The following CTF1 variants were observed in gnomAD, a reference collection of about 807,000 sequenced individuals.
The protein encoded by CTF1 is cardiotrophin-1.
A neutral mutation model predicts 10.9 loss-of-function variants in CTF1; 9 were observed. The ratio of observed to expected loss-of-function variants is 0.83; its 90% CI spans 0.50 to 1.44. CTF1 has a LOEUF of 1.44. Among genes scored for constraint, CTF1 ranks in the 40% most tolerant of loss-of-function variants. The pLI is 0.00. For missense variants in CTF1, 259 were observed against 275.3 expected, an observed-to-expected ratio of 0.94 and a Z score of 0.42; for synonymous variants, 133 against 138.8, an observed-to-expected ratio of 0.96 and a Z score of 0.29.
At position 30,899,642 on chromosome 16, in the gene CTF1, C is replaced by T. The variant is rs560133868; in HGVS notation, c.144+109C>T. 5 of 713,418 alleles carry T rather than the reference C, an allele frequency of 7.0e-6. No homozygotes were observed. In the African/African-American group the frequency reaches 7.1e-5, roughly 10 times the overall value. The allele number at this position is 713,418 out of a possible 1,614,324, so 44.2% of individuals were successfully genotyped here. On this transcript the variant is annotated intron_variant, in intron 2 of 2. Transcript: ENST00000279804. ...AACCTCATTTTCCAACTGTGGAAAT[C>T]AGGGCTCCTGAGAGGGACAGCAACT...
At chr16:30,896,024 T>C (rs995832827), upstream of CTF1, among the ~76,000 whole-genome samples, 6 of 129,362 alleles carry the variant, frequency 4.6e-5, no homozygotes, top group African/African-American at 1.5e-4. Context: ...GGGTGTGACT[T>C]CCTGTCCAGG....
rs200094220 is a variant in CTF1 at position 30,899,422 on chromosome 16, C to T, written c.33C>T (p.Pro11=). The part of the protein sequence containing the change: MSRREGSLED[P]QTDSSVSLLP... ...TCCCCCCTTTCCCACCAGAAGACCC[C>T]CAGACTGATTCCTCAGTCTCACTTC... Residue 11 remains proline (P), a synonymous_variant, in exon 2 of 3, where the codon CCC becomes CCT. Transcript: ENST00000279804. The T allele has an allele frequency of 6.2e-7, 1 of 1,608,108 alleles. No homozygotes were observed. The highest frequency in any genetic ancestry group is 8.5e-7 in the Non-Finnish European group (1 of 1,174,552).
At chr16:30,896,604 A>AG (rs35897977), upstream of CTF1, 4 of 1,253,354 alleles carry the variant, frequency 3.2e-6, no homozygotes, top group Non-Finnish European at 4.0e-6. Flanking sequence ...CCCCCTCGAA[A>AG]GGGGGGCGTG....
rs1194218989 is a variant in CTF1, at chr16:30,902,105, C to T, written c.172C>T (p.Leu58=). Reference sequence around the variant, plus strand: ...GCAGCTCCAGGGAGACCCCTTCGGGCTGCCCAGCTTCTCGCCGCCGCGGCT... The same window carrying T: ...GCAGCTCCAGGGAGACCCCTTCGGGTTGCCCAGCTTCTCGCCGCCGCGGCT... ...YVQLQGDPFG[L]PSFSPPRLPV... The change falls in exon 3 of 3, where the codon CTG becomes TTG. Residue 58 remains leucine, a synonymous_variant. Transcript: ENST00000279804. 4 of 1,423,382 alleles carry T rather than the reference C, an allele frequency of 2.8e-6. No homozygotes were observed. In the Admixed American group the frequency reaches 7.4e-5, roughly 26 times the overall value. The allele number at this position is 1,423,382 out of a possible 1,614,324, so 88.2% of individuals were successfully genotyped here.
intron 2 of CTF1, among the ~76,000 whole-genome samples, chr16:30,900,689 C>T (rs1484931317): frequency 3.9e-5 from 6 of 152,060 alleles, no homozygotes; most frequent in Admixed American, 3.9e-4. Context: ...TCCATCTACT[C>T]AGGAGGCTGA....
intron 2 of CTF1, 70 bp from the exon 3 acceptor site, chr16:30,902,008 G>T: frequency 7.7e-7 from 1 of 1,306,212 alleles, no homozygotes; most frequent in Non-Finnish European, 9.8e-7. Flanking sequence ...AGAGCGGGTT[G>T]GAGAGCCCAG....
At chr16:30,900,095 A>T (rs544453963) in intron 2 of CTF1, among the ~76,000 whole-genome samples, 91 of 152,244 alleles carry the variant, frequency 6.0e-4, no homozygotes, top group African/African-American at 2.1e-3. Context: ...CGTGACCTTG[A>T]CACCTCCCCT....
At chr16:30,901,298 T>C (rs1301767374) in intron 2 of CTF1, among the ~76,000 whole-genome samples, 1 of 152,140 alleles carries the variant, frequency 6.6e-6, no homozygotes, top group African/African-American at 2.4e-5. Context: ...TGAAGCCCCC[T>C]TGGCCCCTGG....
intron 2 of CTF1, among the ~76,000 whole-genome samples, chr16:30,901,040 C>T (rs1248475740): frequency 6.6e-6 from 1 of 152,048 alleles, no homozygotes; most frequent in Non-Finnish European, 1.5e-5. Context: ...ATTACAGTCA[C>T]CACCACCATA....
At chr16:30,900,939 G>A (rs1219017042) in intron 2 of CTF1, among the ~76,000 whole-genome samples, 8 of 151,426 alleles carry the variant, frequency 5.3e-5, no homozygotes, top group Non-Finnish European at 1.2e-4. Flanking sequence ...TGTGGCCCAG[G>A]TTGGAGTGCA....
chr16:30,901,250 A>G (rs955481436), intron 2 of CTF1, among the ~76,000 whole-genome samples: 1 of 152,144 alleles, frequency 6.6e-6, no homozygotes, highest in African/African-American at 2.4e-5. Context: ...GCCCCTGCTC[A>G]ATGCAGGTAC....
At position 30,902,392 on chromosome 16, in the gene CTF1, GC is replaced by G. The variant is rs1218236539; in HGVS notation, c.465del (p.Ala156ProfsTer30). 5.6e-6 allele frequency: 7 copies of G among 1,248,380 alleles called. No homozygotes were observed. Among genetic ancestry groups the G allele is most frequent in the Admixed American group, 4.1e-5 (1 of 24,524 alleles). The allele number at this position is 1,248,380 out of a possible 1,614,324, so 77.3% of individuals were successfully genotyped here. A position where few individuals can be genotyped will look rare whatever the true frequency, so the allele number is the denominator to read the frequency against. ...CCGCCAACCGCGGGCCCCGGGCCGA[GC>G]CCCCCGCCGCCACCGCCTCAGCCGC... is the stretch of plus-strand genomic sequence containing the variant. ...GAANRGPRAE[P>X]PAATASAASA... On this transcript the variant is annotated frameshift_variant, in exon 3 of 3. Transcript: ENST00000279804. LOFTEE classifies it high-confidence loss of function.
rs1401134023 is a variant in CTF1, at chr16:30,902,721, C to A, written c.*182C>A. 1 of 979,660 alleles carries A rather than the reference C, an allele frequency of 1.0e-6. No individual in the cohort carries two copies. Among genetic ancestry groups the A allele is most frequent in the Non-Finnish European group, 1.4e-6 (1 of 739,412 alleles). The allele number at this position is 979,660 out of a possible 1,614,324, so 60.7% of individuals were successfully genotyped here. On this transcript the variant is annotated 3_prime_UTR_variant, in exon 3 of 3. Transcript: ENST00000279804. ...ACGGGCAGGGTCTCTGTCGCCCAGG[C>A]TGGGGTGCAGTGGCGCGATCCCAGC...
rs746337311 is a variant in CTF1, at chr16:30,902,438, C to T, written c.505C>T (p.Pro169Ser). 15 of 1,416,688 alleles carry T rather than the reference C, an allele frequency of 1.1e-5. No individual in the cohort carries two copies. In the Middle Eastern group the frequency reaches 7.6e-4, roughly 72 times the overall value. 87.8% of individuals were successfully genotyped at this position (1,416,688 alleles called of 1,614,324 possible). The change falls in exon 3 of 3, where the codon CCC (proline) becomes TCC (serine). Residue 169 changes from proline (P) to serine (S), a missense_variant. Pro to Ser is a moderately conservative substitution (Grantham distance 74, BLOSUM62 -1). Coordinates refer to ENST00000279804, the MANE Select transcript of CTF1 (RefSeq NM_001330.5). ...AGCCGCCTCCGCCACCGGGGTCTTC[C>T]CCGCCAAGGTGCTGGGGCTCCGCGT... ...ASAASATGVF[P>S]AKVLGLRVCG... is the part of the protein sequence containing the mutation.
Position 30,899,549 on chromosome 16 carries a change from G to C in CTF1, c.144+16G>C. 7.2e-7 allele frequency: 1 copy of C among 1,394,086 alleles called. No individual in the cohort carries two copies. The highest frequency in any genetic ancestry group is 1.0e-6 in the Non-Finnish European group (1 of 987,638). 86.4% of individuals were successfully genotyped at this position (1,394,086 alleles called of 1,614,324 possible). A position where few individuals can be genotyped will look rare whatever the true frequency, so the allele number is the denominator to read the frequency against. On this transcript the variant is annotated intron_variant, in intron 2 of 2. Transcript: ENST00000279804. ...CCAGGAATATGTGAGTGGGAATGGG[G>C]GTGGGGGTGCCGGGGGCCTGGGGAA...
Position 30,899,393 on chromosome 16 carries a change from T to C in CTF1, c.26-22T>C, listed in dbSNP as rs373535569. 13 of 1,485,516 alleles carry C rather than the reference T, an allele frequency of 8.8e-6. No individual in the cohort carries two copies. The African/African-American group carries it at 1.2e-4, about 14-fold the overall frequency. The allele number at this position is 1,485,516 out of a possible 1,614,324, so 92.0% of individuals were successfully genotyped here. ...ATGAGCAGGAGGTTGGCCATCCTCA[T>C]TCCTCCCCCCTTTCCCACCAGAAGA... On this transcript the variant is annotated intron_variant, in intron 1 of 2. Coordinates refer to ENST00000279804, the MANE Select transcript of CTF1 (RefSeq NM_001330.5).
rs974196158 is a variant in CTF1, at chr16:30,902,220, C to A, written c.287C>A (p.Ala96Glu). 3 of 1,146,832 alleles carry A rather than the reference C, an allele frequency of 2.6e-6. No homozygotes were observed. Among genetic ancestry groups the A allele is most frequent in the Non-Finnish European group, 3.2e-6 (3 of 935,886 alleles). The allele number at this position is 1,146,832 out of a possible 1,614,324, so 71.0% of individuals were successfully genotyped here. A position where few individuals can be genotyped will look rare whatever the true frequency, so the allele number is the denominator to read the frequency against. ...RLRLDAAALA[A>E]LPPLLDAVCR... is the part of the protein sequence containing the mutation. ...CGGCTGGACGCGGCGGCGCTGGCCGCGCTGCCCCCGCTGCTGGACGCAGTG... is the reference window on the plus strand; with the variant it reads ...CGGCTGGACGCGGCGGCGCTGGCCGAGCTGCCCCCGCTGCTGGACGCAGTG... The change falls in exon 3 of 3, where the codon GCG becomes GAG. Residue 96 changes from alanine to glutamate, a missense_variant. Coordinates refer to ENST00000279804, the MANE Select transcript of CTF1 (RefSeq NM_001330.5).
Position 30,902,272 on chromosome 16 carries a change from G to A in CTF1, c.339G>A (p.Pro113=). 2 of 1,043,248 alleles carry A rather than the reference G, an allele frequency of 1.9e-6. No homozygotes were observed. The highest frequency in any genetic ancestry group is 2.3e-6 in the Non-Finnish European group (2 of 869,820). The allele number at this position is 1,043,248 out of a possible 1,614,324, so 64.6% of individuals were successfully genotyped here. The part of the protein sequence containing the change: ...AVCRRQAELN[P]RAPRLLRRLE... ...GTCGCCGCCAGGCCGAGCTGAACCC[G>A]CGCGCGCCGCGCCTGCTGCGCCGCC... The change falls in exon 3 of 3, where the codon CCG becomes CCA. Residue 113 remains proline (P), a synonymous_variant. Transcript: ENST00000279804.
chr16:30,901,796 C>T (rs1018335803), intron 2 of CTF1, among the ~76,000 whole-genome samples: 1 of 139,762 alleles, frequency 7.2e-6, no homozygotes, highest in African/African-American at 2.7e-5. Context: ...GTTGCCTAGG[C>T]TGGTCTCGAA....
Sources: gnomAD v4.1 joint callset for allele counts (sites outside exome capture counted in the v4.1 genomes callset) on GRCh38, gnomAD v4.1.1 for gene constraint, MANE v1.5 for transcripts, NCBI Gene and HGNC (gene_info 2026-07-23, HGNC 2026-07-21) for gene names.